The following COG6 variants were observed in gnomAD, a reference collection of about 807,000 sequenced individuals.
COG6 encodes component of oligomeric golgi complex 6, also known as conserved oligomeric Golgi complex subunit 6.
COG6 carries 74 observed loss-of-function variants against 88.8 expected under a neutral mutation model. The ratio of observed to expected loss-of-function variants is 0.83; its 90% confidence interval spans 0.69 to 1.01. The LOEUF (loss-of-function observed/expected upper bound fraction) is 1.01. Among genes scored for constraint, COG6 ranks in the 50% least tolerant of loss-of-function variants. The pLI is 0.00. For synonymous variants in COG6, 286 were observed against 278.7 expected, an observed-to-expected ratio of 1.03 and a Z score of -0.26; for missense variants, 800 against 797.9, an observed-to-expected ratio of 1.00 and a Z score of -0.03.
chr13:39,676,041 A>G (rs1875946001), intron 4 of COG6, among the ~76,000 whole-genome samples: 1 of 152,108 alleles, frequency 6.6e-6, no homozygotes, highest in Admixed American at 6.6e-5. Context: ...TTGTGGTGAC[A>G]ATATTCAAAC....
chr13:39,716,776 C>T (rs1038171921), intron 13 of COG6, among the ~76,000 whole-genome samples: 9 of 152,186 alleles, frequency 5.9e-5, no homozygotes, highest in Non-Finnish European at 2.9e-5. Flanking sequence ...TAGCTCCATT[C>T]TCCTCTTCCT....
At chr13:39,705,589 G>C (rs913959312) in intron 13 of COG6, among the ~76,000 whole-genome samples, 103 of 152,056 alleles carry the variant, frequency 6.8e-4, no homozygotes, top group Non-Finnish European at 5.3e-4. Flanking sequence ...GATATAGCCT[G>C]TCTTAAATGA....
chr13:39,789,561 C>CGTCACCTGCTCCACCCTGACTCATTCCG (rs1286562573), exon 19 of COG6: 1 of 13,214 alleles, frequency 7.6e-5, no homozygotes, highest in Non-Finnish European at 1.8e-4. Flanking sequence ...GACTCATTCC[C>CGTCACCTGCTCCACCCTGACTCATTCCG]ATCACCTGCT....
Position 39,751,177 on chromosome 13 carries a change from A to G in COG6, c.*84A>G, listed in dbSNP as rs554764082. ...TTTATTCTTTGAATTTTTACTCTAT[A>G]ATTTGATAGTTACAGTTTTCTTTGT... On this transcript the variant is annotated 3_prime_UTR_variant, in exon 19 of 19. Transcript: ENST00000455146. 22 of 1,557,102 alleles carry G rather than the reference A, an allele frequency of 1.4e-5. No individual in the cohort carries two copies. Among genetic ancestry groups the G allele is most frequent in the Non-Finnish European group, 1.9e-5 (22 of 1,150,196 alleles).
intron 13 of COG6, among the ~76,000 whole-genome samples, chr13:39,706,215 T>TTATATATATATATATACTCCTTTATA (rs141224881): frequency 3.2e-5 from 4 of 126,728 alleles, no homozygotes; most frequent in African/African-American, 8.7e-5. Flanking sequence ...ATATACTCCT[T>TTATATATATATATATACTCCTTTATA]TATATATATA....
At chr13:39,669,270 A>T (rs1297149119) in intron 4 of COG6, among the ~76,000 whole-genome samples, 6 of 152,236 alleles carry the variant, frequency 3.9e-5, no homozygotes, top group Admixed American at 3.3e-4. Flanking sequence ...AGAGACCTTG[A>T]CATTAATTTT....
intron 17 of COG6, among the ~76,000 whole-genome samples, chr13:39,726,408 A>G (rs9548898): frequency 0.49 from 74,568 of 151,710 alleles, 18,845 homozygotes; most frequent in South Asian, 0.69. Context: ...GTGTTATGAT[A>G]ATATGGTGAA....
intron 5 of COG6, chr13:39,679,212 A>G: frequency 3.2e-6 from 1 of 314,006 alleles, no homozygotes. Context: ...TTTTTCATGT[A>G]GTAATTTTTA....
At chr13:39,761,660 A>T (rs1457430754) in intron 18 of COG6, among the ~76,000 whole-genome samples, 1 of 151,908 alleles carries the variant, frequency 6.6e-6, no homozygotes, top group African/African-American at 2.4e-5. Context: ...ACATACAAGG[A>T]CCTCAAACAA....
chr13:39,698,674 A>G, intron 12 of COG6, among the ~76,000 whole-genome samples: 1 of 151,924 alleles, frequency 6.6e-6, no homozygotes, highest in Non-Finnish European at 1.5e-5. Flanking sequence ...ATTCATCTTT[A>G]ACAATCTAAA....
chr13:39,681,062 GT>G (rs1258160500), intron 7 of COG6, among the ~76,000 whole-genome samples: 2 of 152,276 alleles, frequency 1.3e-5, no homozygotes, highest in East Asian at 3.9e-4. Context: ...GTTTGAAAAT[GT>G]TTCAATAGAT....
intron 5 of COG6, among the ~76,000 whole-genome samples, chr13:39,679,007 C>T (rs1309248127): frequency 6.6e-6 from 1 of 152,050 alleles, no homozygotes; most frequent in Non-Finnish European, 1.5e-5. Flanking sequence ...CTATTTGTGG[C>T]ACTCTGAAAC....
intron 18 of COG6, among the ~76,000 whole-genome samples, chr13:39,742,668 C>T (rs972447734): frequency 2.0e-5 from 3 of 152,078 alleles, no homozygotes; most frequent in Non-Finnish European, 4.4e-5. Context: ...GATTTTAACA[C>T]CCCACTGTCA....
At chr13:39,722,874 G>A (rs1234006183) in intron 15 of COG6, among the ~76,000 whole-genome samples, 2 of 152,028 alleles carry the variant, frequency 1.3e-5, no homozygotes, top group African/African-American at 4.8e-5. Context: ...TTATCCTCAG[G>A]AGAATTTACT....
At chr13:39,719,522 C>A in intron 14 of COG6, 138 bp from the exon 15 acceptor site, 1 of 1,164,572 alleles carries the variant, frequency 8.6e-7, no homozygotes, top group Non-Finnish European at 1.2e-6. Flanking sequence ...ACTTAAAAAG[C>A]ATTGATTTAT....
At chr13:39,671,354 CT>C (rs1186909413) in intron 4 of COG6, among the ~76,000 whole-genome samples, 1 of 149,790 alleles carries the variant, frequency 6.7e-6, no homozygotes, top group Non-Finnish European at 1.5e-5. Flanking sequence ...TGAAAAAGAG[CT>C]TTTTTTTGCG....
At chr13:39,754,000 A>C (rs1178852766), downstream of COG6, among the ~76,000 whole-genome samples, 5 of 152,180 alleles carry the variant, frequency 3.3e-5, no homozygotes, top group Non-Finnish European at 1.5e-5. Context: ...TGTCAGATCT[A>C]GCAGATTCTT....
At chr13:39,726,525 A>G (rs1386582406) in intron 17 of COG6, among the ~76,000 whole-genome samples, 3 of 151,850 alleles carry the variant, frequency 2.0e-5, no homozygotes, top group African/African-American at 7.2e-5. Context: ...GATTGCCCCT[A>G]TAGTCTAAAA....
At chr13:39,768,315 C>T (rs1308409769) in intron 18 of COG6, among the ~76,000 whole-genome samples, 1 of 152,256 alleles carries the variant, frequency 6.6e-6, no homozygotes, top group African/African-American at 2.4e-5. Flanking sequence ...GAACCCGGAA[C>T]ACTGCCACTC....
Sources: allele counts gnomAD v4.1 joint callset (sites outside exome capture counted in the v4.1 genomes callset), GRCh38; gene constraint gnomAD v4.1.1; transcripts MANE v1.5; gene names NCBI Gene and HGNC (gene_info 2026-07-23, HGNC 2026-07-21).